Variants in ZNF44 observed in about 807,000 individuals in gnomAD.
ZNF44 encodes the protein gonadotropin inducible transcription repressor-2.
Under a neutral mutation model 11.7 loss-of-function variants are expected in ZNF44, and 9 were observed. That is an observed-to-expected ratio of 0.77 (90% CI 0.46 to 1.35). The LOEUF is 1.35. Ranked by LOEUF, ZNF44 falls within the 40% of genes most tolerant of loss-of-function variation. The probability of loss-of-function intolerance (pLI) is 0.00; values close to 1 mark genes in which losing one functional copy is unlikely to be tolerated. For missense variants in ZNF44, 696 were observed against 743.1 expected (o/e 0.94, Z 0.74); for synonymous variants, 224 against 242.7 (o/e 0.92, Z 0.72).
intron 5 of ZNF44, among the ~76,000 whole-genome samples, chr19:12,257,138 C>T (rs140928240): frequency 6.6e-6 from 1 of 152,254 alleles, no homozygotes; most frequent in Non-Finnish European, 1.5e-5. Flanking sequence ...AAAGGTGGAC[C>T]ACATCCCTTC....
chr19:12,262,370 A>G (rs1398675629), intron 5 of ZNF44, among the ~76,000 whole-genome samples: 2 of 152,062 alleles, frequency 1.3e-5, no homozygotes, highest in Admixed American at 1.3e-4. Context: ...TCCCAGGTTC[A>G]AGCAATTCTC....
At chr19:12,265,350 A>C (rs1917687427) in intron 5 of ZNF44, among the ~76,000 whole-genome samples, 1 of 152,116 alleles carries the variant, frequency 6.6e-6, no homozygotes, top group Admixed American at 6.6e-5. Context: ...CCCCCAGTGC[A>C]TTCAAGCCTC....
At chr19:12,230,728 A>G (rs558230194) in intron 2 of ZNF44, among the ~76,000 whole-genome samples, 2 of 152,276 alleles carry the variant, frequency 1.3e-5, no homozygotes, top group African/African-American at 4.8e-5. Context: ...AGAAACACGA[A>G]ATGCAGCTTG....
intron 1 of ZNF44, among the ~76,000 whole-genome samples, chr19:12,235,251 C>T (rs1247676458): frequency 6.6e-6 from 1 of 152,148 alleles, no homozygotes; most frequent in Non-Finnish European, 1.5e-5. Context: ...CGCCTGTAGT[C>T]CCAGCTACTC....
chr19:12,227,802 A>T (rs1243461857), intron 3 of ZNF44, among the ~76,000 whole-genome samples: 3 of 152,218 alleles, frequency 2.0e-5, no homozygotes, highest in African/African-American at 7.2e-5. Context: ...ATATAGCCCA[A>T]AGAAAGCCAA....
intron 1 of ZNF44, 88 bp downstream of exon 1, chr19:12,294,604 G>A: frequency 6.6e-7 from 1 of 1,512,578 alleles, no homozygotes; most frequent in Non-Finnish European, 8.9e-7. Context: ...AGACGCTGCG[G>A]CGAGGCCCGG....
At chr19:12,242,309 G>A (rs911192033), upstream of ZNF44, among the ~76,000 whole-genome samples, 2 of 151,378 alleles carry the variant, frequency 1.3e-5, no homozygotes, top group Non-Finnish European at 2.9e-5. Flanking sequence ...GGAGTTCAAG[G>A]ACCATCCTGG....
rs182558787 is a variant in ZNF44, at chr19:12,227,519, T to C, written n.437-992A>G. Among the ~76,000 whole-genome samples, 618 of 152,282 alleles carry C rather than the reference T, an allele frequency of 4.1e-3. 18 individuals carry two copies. The highest frequency in any genetic ancestry group is 0.038 in the Admixed American group (588 of 15,302). ...TACTCTGGAGGCTGAGGCAAGAGAA[T>C]TGCTTGAACCCAGGAGGCAGAGGTT... On this transcript the variant is annotated intron_variant and non_coding_transcript_variant, in intron 3 of 3. Transcript: ENST00000597563.
intron 5 of ZNF44, among the ~76,000 whole-genome samples, chr19:12,257,197 A>G (rs1243941526): frequency 6.6e-6 from 1 of 152,236 alleles, no homozygotes; most frequent in East Asian, 1.9e-4. Flanking sequence ...GAGACTGAAC[A>G]AAACCTATAC....
upstream of ZNF44, among the ~76,000 whole-genome samples, chr19:12,238,629 A>C (rs1391390840): frequency 2.2e-5 from 3 of 134,504 alleles, no homozygotes; most frequent in African/African-American, 1.1e-4. Context: ...TGTCTCAAAA[A>C]AAAAAAAAAA....
chr19:12,286,985 C>A lies in ZNF44; in HGVS notation c.3+7707G>T, dbSNP rs10423583. ...ATTCCAAGAATTACTAATTCAGTAG[C>A]CTTGGGTAATACCCTAAAATGTGCA... On this transcript the variant is annotated intron_variant, in intron 1 of 3. Coordinates refer to ENST00000355684, the MANE Select transcript of ZNF44 (RefSeq NM_016264.4). Among the ~76,000 whole-genome samples the A allele has an allele frequency of 2.0e-5, 3 of 150,810 alleles. No individual in the cohort carries two copies. The South Asian group carries it at 6.2e-4, about 31-fold the overall frequency.
At chr19:12,293,282 G>A in intron 1 of ZNF44, 2 of 1,537,066 alleles carry the variant, frequency 1.3e-6, no homozygotes, top group Non-Finnish European at 1.7e-6. Context: ...CCTCTGGGAA[G>A]AGTGACCCAA....
At chr19:12,291,576 T>G (rs1300234802) in intron 1 of ZNF44, among the ~76,000 whole-genome samples, 3 of 152,014 alleles carry the variant, frequency 2.0e-5, no homozygotes. Context: ...CGCACGCCTG[T>G]AGTCGCAGCT....
downstream of ZNF44, among the ~76,000 whole-genome samples, chr19:12,246,132 A>G (rs1916762229): frequency 1.3e-5 from 2 of 152,288 alleles, no homozygotes; most frequent in African/African-American, 4.8e-5. Flanking sequence ...TCCAACTTTC[A>G]TGTCAGGCTA....
intron 5 of ZNF44, among the ~76,000 whole-genome samples, chr19:12,261,633 C>T (rs775878523): frequency 6.6e-6 from 1 of 152,140 alleles, no homozygotes; most frequent in African/African-American, 2.4e-5. Context: ...TGTCCTCTGT[C>T]TCTAACAATA....
chr19:12,253,469 C>T (rs949074772), intron 5 of ZNF44, among the ~76,000 whole-genome samples: 23 of 151,896 alleles, frequency 1.5e-4, no homozygotes, highest in Admixed American at 6.6e-4. Context: ...GTATTACAGG[C>T]GTGAGCCACT....
intron 7 of ZNF44, among the ~76,000 whole-genome samples, chr19:12,248,896 CTTT>C (rs372194020): frequency 3.6e-5 from 5 of 138,620 alleles, no homozygotes; most frequent in East Asian, 4.3e-4. Flanking sequence ...ATGGGTTTCT[CTTT>C]TTTTTTTTTT....
At position 12,273,524 on chromosome 19, in the gene ZNF44, T is replaced by C. The variant is rs1191862618; in HGVS notation, c.731A>G (p.Glu244Gly). ...CGGTTTCTCCCCAGTGTGTATTTTT[T>C]CATGTCTTAGATAGGAACTGTAAAC... The part of the protein sequence containing the change: ...FPVYSSYLRH[E>G]KIHTGEKPYE... Residue 244 changes from glutamate (E) to glycine (G), a missense_variant, in exon 4 of 4, where the codon GAA becomes GGA. Transcript: ENST00000355684. The C allele has an allele frequency of 6.2e-7, 1 of 1,614,098 alleles. No homozygotes were observed. Among genetic ancestry groups the C allele is most frequent in the Admixed American group, 1.7e-5 (1 of 60,016 alleles).
At chr19:12,242,210 C>T (rs1916640644), upstream of ZNF44, among the ~76,000 whole-genome samples, 1 of 151,798 alleles carries the variant, frequency 6.6e-6, no homozygotes, top group African/African-American at 2.4e-5. Context: ...TATATTTGAC[C>T]TTAAAAAAAA....
Sources: gnomAD v4.1 joint callset for allele counts (sites outside exome capture counted in the v4.1 genomes callset) on GRCh38, gnomAD v4.1.1 for gene constraint, MANE v1.5 for transcripts, NCBI Gene and HGNC (gene_info 2026-07-23, HGNC 2026-07-21) for gene names.